DGKG: variants seen among roughly 807,000 people sequenced by gnomAD.
The protein encoded by DGKG is DAG kinase gamma.
In DGKG, 78 loss-of-function variants were observed where a neutral mutation model predicts 105.3. The ratio of observed to expected loss-of-function variants is 0.74; its 90% CI spans 0.62 to 0.89. DGKG has a LOEUF of 0.89. Among genes scored for constraint, DGKG ranks in the 40% least tolerant of loss-of-function variants. DGKG has a pLI of 0.00. For synonymous variants in DGKG, 346 were observed against 367.1 expected, an observed-to-expected ratio of 0.94 and a Z score of 0.66; for missense variants, 958 against 1,020.1, an observed-to-expected ratio of 0.94 and a Z score of 0.83.
chr3:186,182,533 A>G (rs1717407905), intron 22 of DGKG, among the ~76,000 whole-genome samples: 2 of 152,314 alleles, frequency 1.3e-5, no homozygotes, highest in African/African-American at 4.8e-5. Context: ...TCTGAATTCT[A>G]GTTCAATGGT....
At chr3:186,317,741 C>T (rs1724886382) in intron 2 of DGKG, among the ~76,000 whole-genome samples, 1 of 152,216 alleles carries the variant, frequency 6.6e-6, no homozygotes, top group South Asian at 2.1e-4. Context: ...ATGCTGCCCA[C>T]TTCTGAGCAC....
intron 14 of DGKG, among the ~76,000 whole-genome samples, chr3:186,262,143 G>A (rs1415102241): frequency 6.6e-6 from 1 of 152,158 alleles, no homozygotes; most frequent in Non-Finnish European, 1.5e-5. Flanking sequence ...ATACGCGTAA[G>A]TGAAATAGCA....
intron 22 of DGKG, among the ~76,000 whole-genome samples, chr3:186,168,673 C>T (rs1163386956): frequency 6.6e-6 from 1 of 152,100 alleles, no homozygotes; most frequent in African/African-American, 2.4e-5. Flanking sequence ...ACGGTGAAAC[C>T]CCCTCTCTAC....
chr3:186,331,833 T>A (rs1021189329), intron 1 of DGKG, among the ~76,000 whole-genome samples: 3 of 152,178 alleles, frequency 2.0e-5, no homozygotes, highest in Non-Finnish European at 4.4e-5. Flanking sequence ...AGCAGCAACC[T>A]CCATTTATAG....
At chr3:186,193,625 C>T (rs986272690) in intron 21 of DGKG, among the ~76,000 whole-genome samples, 9 of 152,264 alleles carry the variant, frequency 5.9e-5, no homozygotes, top group Non-Finnish European at 1.3e-4. Flanking sequence ...TTCAGAACCC[C>T]AGGCCCGCTC....
chr3:186,326,385 T>C lies in DGKG; in HGVS notation c.-248-5678A>G, dbSNP rs565055375. Among the ~76,000 whole-genome samples the C allele has an allele frequency of 3.9e-3, 580 of 149,232 alleles. 10 individuals are homozygous for C. The highest frequency in any genetic ancestry group is 0.014 in the African/African-American group (544 of 39,938). ...CTGCACTCCAGCCTGGGTGACAGAGTGAGACACTGTCTTAAAAAAAAAATA... is the reference window on the plus strand; with the variant it reads ...CTGCACTCCAGCCTGGGTGACAGAGCGAGACACTGTCTTAAAAAAAAAATA... On this transcript the variant is annotated intron_variant, in intron 1 of 24. Coordinates refer to ENST00000265022, the MANE Select transcript of DGKG (RefSeq NM_001346.3).
chr3:186,253,031 A>T (rs991640601), intron 18 of DGKG, 62 bp downstream of exon 18: 3 of 1,435,648 alleles, frequency 2.1e-6, no homozygotes, highest in Non-Finnish European at 2.9e-6. Flanking sequence ...CTAGCTCTGT[A>T]GAGCATCTCT....
In DGKG at chr3:186,231,563, A is replaced by G. The variant is rs1019332327; in HGVS notation, c.1826+10941T>C. 1.9e-4 allele frequency among the ~76,000 whole-genome samples: 29 copies of G among 152,228 alleles called. No individual in the cohort carries two copies. The highest frequency in any genetic ancestry group is 3.5e-4 in the Non-Finnish European group (24 of 68,032). On this transcript the variant is annotated intron_variant, in intron 20 of 24. Transcript: ENST00000265022. The surrounding 1 kb of genome is among the most constrained non-coding windows in gnomAD (Gnocchi z 4.5). ...GGTATGGGTTGGAGCAGGACTGATT[A>G]CATTGGGAAAACCACCTTTCTAAAC...
intron 20 of DGKG, among the ~76,000 whole-genome samples, chr3:186,230,776 G>A (rs572559156): frequency 6.6e-6 from 1 of 152,304 alleles, no homozygotes; most frequent in South Asian, 2.1e-4. Context: ...GGTCTCACAA[G>A]TAAATAAAAT....
chr3:186,331,781 A>G lies in DGKG; in HGVS notation c.-248-11074T>C, dbSNP rs1271569271. Among the ~76,000 whole-genome samples the G allele has an allele frequency of 6.6e-5, 10 of 152,326 alleles. No individual in the cohort carries two copies. In the East Asian group the frequency reaches 1.9e-3, roughly 29 times the overall value. Reference sequence around the variant, plus strand: ...CAATCTGAGGATTGGTCATTCATTCATTTGTTCACTTGCTCAACAAATCAC... The same window carrying G: ...CAATCTGAGGATTGGTCATTCATTCGTTTGTTCACTTGCTCAACAAATCAC... On this transcript the variant is annotated intron_variant, in intron 1 of 24. Coordinates refer to ENST00000265022, the MANE Select transcript of DGKG (RefSeq NM_001346.3).
Position 186,321,394 on chromosome 3 carries a change from G to A in DGKG, c.-248-687C>T, listed in dbSNP as rs115334816. ...GAATGAGATGGAGTCGAAAACACTA[G>A]AGTGCATCTACCACAGTAAGGGGAT... is the stretch of plus-strand genomic sequence containing the variant. On this transcript the variant is annotated intron_variant, in intron 1 of 24. Coordinates refer to ENST00000265022, the MANE Select transcript of DGKG (RefSeq NM_001346.3). 6.0e-3 allele frequency among the ~76,000 whole-genome samples: 908 copies of A among 152,294 alleles called. 14 individuals carry two copies. The highest frequency in any genetic ancestry group is 0.02 in the African/African-American group (835 of 41,554).
At chr3:186,346,728 G>A (rs1421778693) in intron 1 of DGKG, among the ~76,000 whole-genome samples, 1 of 150,630 alleles carries the variant, frequency 6.6e-6, no homozygotes, top group Admixed American at 6.6e-5. Flanking sequence ...TACATTTTTT[G>A]AAATGTATCA....
rs57878064 is a variant in DGKG, at chr3:186,194,803, T to TAAAAAAAAAA, written c.1918-6434_1918-6425dup. ...CCACGACTCTTTCTTGGTCTTTCTT[T>TAAAAAAAAAA]AAAAAAAAAAAAAAAAAAAGCCGGG... is the stretch of plus-strand genomic sequence containing the variant. On this transcript the variant is annotated intron_variant, in intron 21 of 24. Transcript: ENST00000265022. Among the ~76,000 whole-genome samples the TAAAAAAAAAA allele has an allele frequency of 2.0e-3, 215 of 105,328 alleles. 7 individuals carry two copies. The highest frequency in any genetic ancestry group is 4.8e-3 in the Admixed American group (40 of 8,254). The allele number at this position is 105,328 out of a possible 152,430, so 69.1% of individuals were successfully genotyped here.
At chr3:186,243,757 T>C (rs1286559694) in intron 19 of DGKG, among the ~76,000 whole-genome samples, 1 of 152,188 alleles carries the variant, frequency 6.6e-6, no homozygotes, top group Non-Finnish European at 1.5e-5. Flanking sequence ...GGGAGTTGAC[T>C]AGATTTGTTT....
At chr3:186,162,474 A>G (rs1481272813) in intron 23 of DGKG, among the ~76,000 whole-genome samples, 1 of 152,240 alleles carries the variant, frequency 6.6e-6, no homozygotes, top group African/African-American at 2.4e-5. Context: ...TCTCCAATTT[A>G]TACAACATAC....
chr3:186,280,470 T>A (rs1339214985), intron 8 of DGKG, among the ~76,000 whole-genome samples, 200 bp downstream of exon 8: 5 of 152,224 alleles, frequency 3.3e-5, no homozygotes, highest in African/African-American at 4.8e-5. Flanking sequence ...GTTATTTCAG[T>A]TATGTCTGCA....
intron 9 of DGKG, among the ~76,000 whole-genome samples, chr3:186,277,047 C>T (rs1343265451): frequency 6.6e-6 from 1 of 152,162 alleles, no homozygotes; most frequent in Non-Finnish European, 1.5e-5. Flanking sequence ...CTGCTTCTTC[C>T]AGGACATGAG....
chr3:186,277,760 G>A (rs563952276), intron 9 of DGKG, among the ~76,000 whole-genome samples: 95 of 152,200 alleles, frequency 6.2e-4, no homozygotes, highest in African/African-American at 2.1e-3. Context: ...GAACGTGGGC[G>A]TAGCCTTCCT....
chr3:186,247,201 G>A (rs1720986135), intron 19 of DGKG, among the ~76,000 whole-genome samples: 1 of 152,138 alleles, frequency 6.6e-6, no homozygotes, highest in Non-Finnish European at 1.5e-5. Context: ...ACTGATGTGT[G>A]GATGGGGCTG....
Sources: gnomAD v4.1 joint callset for allele counts (sites outside exome capture counted in the v4.1 genomes callset) on GRCh38, gnomAD v4.1.1 for gene constraint, Gnocchi (gnomAD v3.1) non-coding constraint, MANE v1.5 for transcripts, NCBI Gene and HGNC (gene_info 2026-07-23, HGNC 2026-07-21) for gene names.